The following TNFSF4 variants were observed in gnomAD, a reference collection of about 807,000 sequenced individuals.
The protein encoded by TNFSF4 is tumor necrosis factor ligand superfamily member 4.
Under a neutral mutation model 7.3 loss-of-function variants are expected in TNFSF4, and 4 were observed. The observed-to-expected ratio is 0.55, with a 90% CI of 0.27 to 1.25. TNFSF4 has a LOEUF of 1.25. Among genes scored for constraint, TNFSF4 ranks in the 50% most tolerant of loss-of-function variants. The pLI, the probability that TNFSF4 is intolerant of heterozygous loss-of-function variation, is 0.12. For synonymous variants in TNFSF4, 76 were observed against 83.7 expected, an observed-to-expected ratio of 0.91 and a Z score of 0.50; for missense variants, 181 against 208.8, an observed-to-expected ratio of 0.87 and a Z score of 0.82.
At chr1:173,205,004 C>A (rs945623120) in intron 1 of TNFSF4, among the ~76,000 whole-genome samples, 1 of 152,030 alleles carries the variant, frequency 6.6e-6, no homozygotes, top group African/African-American at 2.4e-5. Flanking sequence ...AAAACACACA[C>A]AACCCATCTA....
chr1:173,231,769 A>T, the TNFSF4 span, among the ~76,000 whole-genome samples: 1 of 152,240 alleles, frequency 6.6e-6, no homozygotes, highest in Non-Finnish European at 1.5e-5. Flanking sequence ...GCAAAGTCTC[A>T]GGACACAATA....
the TNFSF4 span, among the ~76,000 whole-genome samples, chr1:173,305,851 T>C: frequency 6.6e-6 from 1 of 151,862 alleles, no homozygotes; most frequent in Non-Finnish European, 1.5e-5. Flanking sequence ...ACTGCCTCCA[T>C]GATCCAGTCA....
the TNFSF4 span, among the ~76,000 whole-genome samples, chr1:173,315,409 A>G: frequency 6.6e-6 from 1 of 152,270 alleles, no homozygotes; most frequent in Non-Finnish European, 1.5e-5. Flanking sequence ...TAAAGTCTAG[A>G]CATCAAAGAA....
At chr1:173,190,841 G>C (rs1649448018) in intron 1 of TNFSF4, among the ~76,000 whole-genome samples, 1 of 152,194 alleles carries the variant, frequency 6.6e-6, no homozygotes, top group East Asian at 1.9e-4. Flanking sequence ...GCTAATGCCA[G>C]GCAGGCAGGC....
the TNFSF4 span, among the ~76,000 whole-genome samples, chr1:173,421,085 T>C: frequency 6.6e-6 from 1 of 152,176 alleles, no homozygotes; most frequent in East Asian, 1.9e-4. Context: ...ACACCATCCC[T>C]ACATGTCACC....
the TNFSF4 span, among the ~76,000 whole-genome samples, chr1:173,446,604 C>A: frequency 6.6e-6 from 1 of 152,156 alleles, no homozygotes; most frequent in East Asian, 1.9e-4. Flanking sequence ...GGCAGACCCC[C>A]CCTCAATCTG....
the TNFSF4 span, among the ~76,000 whole-genome samples, chr1:173,300,156 G>GATAC: frequency 6.1e-5 from 8 of 131,966 alleles, no homozygotes; most frequent in Admixed American, 2.4e-4. Context: ...ATAGATGATT[G>GATAC]ATAGATACAT....
At chr1:173,329,135 C>T in the TNFSF4 span, among the ~76,000 whole-genome samples, 812 of 152,222 alleles carry the variant, frequency 5.3e-3, 9 homozygotes, top group African/African-American at 0.019. Context: ...AACAAAACTG[C>T]TTATGTTGTA....
the TNFSF4 span, among the ~76,000 whole-genome samples, chr1:173,436,380 C>T: frequency 6.6e-6 from 1 of 152,172 alleles, no homozygotes; most frequent in African/African-American, 2.4e-5. Context: ...TACATGACAA[C>T]TCCAAAAGTC....
the TNFSF4 span, among the ~76,000 whole-genome samples, chr1:173,349,374 T>C: frequency 6.6e-6 from 1 of 152,196 alleles, no homozygotes; most frequent in Non-Finnish European, 1.5e-5. Context: ...CTCTGCCCCA[T>C]ATTGCATCAG....
chr1:173,224,600 G>A, the TNFSF4 span, among the ~76,000 whole-genome samples: 5 of 152,146 alleles, frequency 3.3e-5, no homozygotes, highest in Non-Finnish European at 5.9e-5. Context: ...AACATGCAAC[G>A]CAGTAAGGAA....
chr1:173,445,758 A>G, the TNFSF4 span, among the ~76,000 whole-genome samples: 4 of 152,150 alleles, frequency 2.6e-5, no homozygotes, highest in Non-Finnish European at 5.9e-5. Flanking sequence ...TAGGTAGGTG[A>G]CTATGGGGAG....
At chr1:173,213,430 T>C in the TNFSF4 span, among the ~76,000 whole-genome samples, 5 of 152,234 alleles carry the variant, frequency 3.3e-5, no homozygotes, top group Admixed American at 6.5e-5. Flanking sequence ...CACACCATTA[T>C]AGAAAGCAAA....
At chr1:173,202,069 A>ACAC (rs1649966360) in intron 1 of TNFSF4, among the ~76,000 whole-genome samples, 4 of 142,182 alleles carry the variant, frequency 2.8e-5, no homozygotes, top group South Asian at 2.1e-4. Flanking sequence ...ATATATATAT[A>ACAC]TACACACACA....
chr1:173,436,001 G>T, the TNFSF4 span, among the ~76,000 whole-genome samples: 6 of 152,214 alleles, frequency 3.9e-5, no homozygotes, highest in African/African-American at 1.4e-4. Context: ...AAAGCTACTT[G>T]ATAAATATTT....
the TNFSF4 span, among the ~76,000 whole-genome samples, chr1:173,215,189 T>C: frequency 6.6e-6 from 1 of 152,066 alleles, no homozygotes; most frequent in African/African-American, 2.4e-5. Flanking sequence ...AAGGTGGCCG[T>C]CTGCAAGCCA....
the TNFSF4 span, chr1:173,174,384 G>A: frequency 2.6e-5 from 4 of 152,110 alleles, no homozygotes; most frequent in Non-Finnish European, 4.4e-5. Context: ...ACATTTTCAT[G>A]TATCTTTACA....
the TNFSF4 span, among the ~76,000 whole-genome samples, chr1:173,432,989 A>G: frequency 6.6e-6 from 1 of 152,242 alleles, no homozygotes; most frequent in Non-Finnish European, 1.5e-5. Context: ...ATGTATGTAC[A>G]TATACACATA....
upstream of TNFSF4, among the ~76,000 whole-genome samples, chr1:173,210,420 G>A (rs556500099): frequency 6.6e-6 from 1 of 152,294 alleles, no homozygotes; most frequent in South Asian, 2.1e-4. Context: ...GGGAGGGGCA[G>A]TGCCTGTTGG....
Sources: gnomAD v4.1 joint callset for allele counts (sites outside exome capture counted in the v4.1 genomes callset) on GRCh38, gnomAD v4.1.1 for gene constraint, MANE v1.5 for transcripts, NCBI Gene and HGNC (gene_info 2026-07-23, HGNC 2026-07-21) for gene names.